TRPM3: variants seen among roughly 807,000 people sequenced by gnomAD.
The protein encoded by TRPM3 is transient receptor potential cation channel subfamily M member 3.
TRPM3 carries 77 observed loss-of-function variants against 181.2 expected under a neutral mutation model. That is an observed-to-expected ratio of 0.42 (90% CI 0.35 to 0.51). TRPM3 has a LOEUF of 0.51. TRPM3 is among the 20% of genes least tolerant of loss of function. The pLI is 0.01. For missense variants in TRPM3, 1,759 were observed against 2,196.7 expected, an observed-to-expected ratio of 0.80 and a Z score of 3.98; for synonymous variants, 745 against 796.4, an observed-to-expected ratio of 0.94 and a Z score of 1.09.
At chr9:71,346,636 A>G (rs1231423388) in intron 1 of TRPM3, among the ~76,000 whole-genome samples, 1 of 152,218 alleles carries the variant, frequency 6.6e-6, no homozygotes, top group Non-Finnish European at 1.5e-5. Context: ...CAAGGGAAGC[A>G]GGGAGTAGCT....
chr9:70,878,762 G>C (rs1357046464), intron 1 of TRPM3, among the ~76,000 whole-genome samples: 1 of 152,034 alleles, frequency 6.6e-6, no homozygotes, highest in Non-Finnish European at 1.5e-5. Flanking sequence ...ACTAATCAGT[G>C]TGCAGTGCAT....
At position 71,248,356 on chromosome 9, in the gene TRPM3, T is replaced by A. The variant is rs1343429197; in HGVS notation, c.183+198297A>T. Among the ~76,000 whole-genome samples the A allele has an allele frequency of 2.6e-5, 4 of 152,218 alleles. No individual in the cohort carries two copies. The East Asian group carries it at 7.7e-4, about 29-fold the overall frequency. ...CCTCTGGGTATGGTAAGGTGGTTTC[T>A]TCTTCCTCTGGACATTCTGATATTT... On this transcript the variant is annotated intron_variant, in intron 1 of 24. Transcript: ENST00000357533.
chr9:71,392,508 G>T (rs141860430), intron 1 of TRPM3, among the ~76,000 whole-genome samples: 1 of 151,906 alleles, frequency 6.6e-6, no homozygotes, highest in African/African-American at 2.4e-5. Context: ...GCTGGGTATT[G>T]GTTTTTTTCA....
intron 1 of TRPM3, among the ~76,000 whole-genome samples, chr9:71,250,195 T>A (rs2082264703): frequency 6.6e-6 from 1 of 152,172 alleles, no homozygotes; most frequent in Admixed American, 6.5e-5. Flanking sequence ...TTTTTCATAA[T>A]AAATTCAAAT....
intron 1 of TRPM3, among the ~76,000 whole-genome samples, chr9:70,915,797 A>C (rs2096588416): frequency 6.6e-6 from 1 of 152,158 alleles, no homozygotes; most frequent in Admixed American, 6.5e-5. Flanking sequence ...GAAGTAGAGA[A>C]AGAGATGGGG....
intron 8 of TRPM3, chr9:70,761,137 A>G: frequency 3.1e-6 from 1 of 320,554 alleles, no homozygotes; most frequent in East Asian, 5.9e-5. Context: ...CTGATTTTAG[A>G]TTCCTCCAGG....
At chr9:71,418,813 C>CTATA (rs67074520) in intron 1 of TRPM3, among the ~76,000 whole-genome samples, 6,273 of 113,008 alleles carry the variant, frequency 0.056, 285 homozygotes, top group East Asian at 0.17. Context: ...TATATATATA[C>CTATA]TATATATATA....
At chr9:70,782,042 A>G (rs1029105376) in intron 7 of TRPM3, among the ~76,000 whole-genome samples, 5 of 152,290 alleles carry the variant, frequency 3.3e-5, no homozygotes, top group African/African-American at 1.2e-4. Context: ...TGCATTCTGA[A>G]TGCAAATTTG....
At chr9:71,053,092 G>GGA (rs1491383542) in intron 1 of TRPM3, among the ~76,000 whole-genome samples, 1 of 62,456 alleles carries the variant, frequency 1.6e-5, no homozygotes, top group Non-Finnish European at 2.9e-5. Flanking sequence ...CCATCCTAAG[G>GGA]AAAAAAAAAA....
chr9:70,740,229 C>CA (rs1274138311), intron 8 of TRPM3, among the ~76,000 whole-genome samples: 1 of 151,846 alleles, frequency 6.6e-6, no homozygotes, highest in African/African-American at 2.4e-5. Flanking sequence ...CAATGGCTGT[C>CA]AAAAAAATAA....
intron 2 of TRPM3, among the ~76,000 whole-genome samples, chr9:70,863,961 T>C (rs935724643): frequency 6.6e-6 from 1 of 152,118 alleles, no homozygotes; most frequent in Non-Finnish European, 1.5e-5. Flanking sequence ...AAATGCTTCT[T>C]ATCTTATATA....
chr9:70,983,428 C>T (rs1168681719), intron 1 of TRPM3, among the ~76,000 whole-genome samples: 1 of 152,104 alleles, frequency 6.6e-6, no homozygotes, highest in African/African-American at 2.4e-5. Context: ...AGGCATCAAA[C>T]TCATTCTATT....
chr9:71,282,188 G>GAAAGAAAGAAAGAA (rs771845656), intron 1 of TRPM3, among the ~76,000 whole-genome samples: 4 of 34,878 alleles, frequency 1.1e-4, no homozygotes, highest in South Asian at 1.8e-3. Flanking sequence ...AGAAAGAAAG[G>GAAAGAAAGAAAGAA]AAAGAAAGAA....
chr9:71,135,812 G>C (rs752114872), intron 1 of TRPM3, among the ~76,000 whole-genome samples: 2 of 152,154 alleles, frequency 1.3e-5, no homozygotes, highest in Non-Finnish European at 2.9e-5. Context: ...TTACAGATCT[G>C]CTTCATTTTC....
chr9:71,234,173 A>G (rs1298277989), intron 1 of TRPM3, among the ~76,000 whole-genome samples: 1 of 152,176 alleles, frequency 6.6e-6, no homozygotes, highest in Non-Finnish European at 1.5e-5. Flanking sequence ...GTTCCTTGCC[A>G]TGCAACCCTC....
At chr9:71,127,339 T>G (rs1287359940) in intron 1 of TRPM3, among the ~76,000 whole-genome samples, 1 of 87,440 alleles carries the variant, frequency 1.1e-5, no homozygotes, top group African/African-American at 4.0e-5. Flanking sequence ...GTGAGTAATT[T>G]ACTCTTTTTC....
chr9:70,674,724 ATTTTT>A (rs67630432), intron 9 of TRPM3, among the ~76,000 whole-genome samples: 1 of 97,890 alleles, frequency 1.0e-5, no homozygotes, highest in Non-Finnish European at 1.9e-5. Context: ...TATTCAGGCT[ATTTTT>A]TTTTTTTTTT....
intron 1 of TRPM3, among the ~76,000 whole-genome samples, chr9:71,285,521 G>A (rs1588294336): frequency 1.3e-5 from 2 of 152,024 alleles, no homozygotes; most frequent in South Asian, 4.2e-4. Flanking sequence ...TGTTTCCGAG[G>A]CTGCCGATCC....
intron 1 of TRPM3, among the ~76,000 whole-genome samples, chr9:71,167,481 C>CA (rs1226903923): frequency 2.0e-5 from 3 of 152,048 alleles, no homozygotes; most frequent in East Asian, 1.9e-4. Flanking sequence ...CACCCTTCTG[C>CA]AAAAAAACAC....
Sources: allele counts gnomAD v4.1 joint callset (sites outside exome capture counted in the v4.1 genomes callset), GRCh38; gene constraint gnomAD v4.1.1; transcripts MANE v1.5; gene names NCBI Gene and HGNC (gene_info 2026-07-23, HGNC 2026-07-21).